The following RXYLT1 variants were observed in gnomAD, a reference collection of about 807,000 sequenced individuals.
RXYLT1 encodes the protein ribitol xylosyltransferase 1, also known as ribitol-5-phosphate xylosyltransferase 1.
RXYLT1 carries 41 observed loss-of-function variants against 43.5 expected under a neutral mutation model. The observed-to-expected ratio is 0.94, with a 90% CI of 0.73 to 1.22. The LOEUF (loss-of-function observed/expected upper bound fraction) is 1.22. Among genes scored for constraint, RXYLT1 ranks in the 50% most tolerant of loss-of-function variants. The pLI is 0.00. For missense variants in RXYLT1, 514 were observed against 532.0 expected (o/e 0.97, Z 0.33); for synonymous variants, 166 against 194.4 (o/e 0.85, Z 1.21).
At chr12:63,791,734 CTTA>C (rs952251181) in intron 3 of RXYLT1, among the ~76,000 whole-genome samples, 2 of 152,170 alleles carry the variant, frequency 1.3e-5, no homozygotes, top group African/African-American at 4.8e-5. Context: ...ATGGCCCATG[CTTA>C]TAAAGAGCTT....
At chr12:63,796,464 A>C (rs1043348387) in intron 3 of RXYLT1, among the ~76,000 whole-genome samples, 2 of 152,164 alleles carry the variant, frequency 1.3e-5, no homozygotes, top group Non-Finnish European at 2.9e-5. Flanking sequence ...TATGATTACA[A>C]GGTCCCACAG....
At chr12:63,783,451 ACT>A (rs1183448150) in intron 2 of RXYLT1, among the ~76,000 whole-genome samples, 3 of 151,102 alleles carry the variant, frequency 2.0e-5, no homozygotes, top group African/African-American at 7.3e-5. Flanking sequence ...ACAGAGCGAG[ACT>A]CTGTCTCAAA....
At chr12:63,781,226 T>G (rs777582599) in intron 2 of RXYLT1, 52 bp downstream of exon 2, 1 of 1,365,706 alleles carries the variant, frequency 7.3e-7, no homozygotes, top group South Asian at 2.0e-5. Flanking sequence ...AAAATGTATT[T>G]TATTGATATG....
intron 2 of RXYLT1, among the ~76,000 whole-genome samples, chr12:63,784,087 A>G (rs1897748231): frequency 6.6e-6 from 1 of 152,038 alleles, no homozygotes; most frequent in Non-Finnish European, 1.5e-5. Flanking sequence ...CCTTAACTTA[A>G]TCATATTTTT....
intron 4 of RXYLT1, chr12:63,804,983 T>A (rs1344253357): frequency 5.5e-6 from 2 of 361,522 alleles, no homozygotes; most frequent in Non-Finnish European, 9.8e-6. Flanking sequence ...TTAAAGAATG[T>A]CAAAAACAAA....
chr12:63,802,043 T>C lies in RXYLT1; in HGVS notation c.429-48T>C, dbSNP rs746074332. 23 of 1,494,098 alleles carry C rather than the reference T, an allele frequency of 1.5e-5. No homozygotes were observed. In the South Asian group the frequency reaches 3.1e-4, roughly 20 times the overall value. The allele number at this position is 1,494,098 out of a possible 1,614,324, so 92.6% of individuals were successfully genotyped here. On this transcript the variant is annotated intron_variant, in intron 3 of 5. Coordinates refer to ENST00000261234, the MANE Select transcript of RXYLT1 (RefSeq NM_014254.3). ...ATGAATTTCTGATACCACATACCTT[T>C]GTTCAGGCTTTGTTTGTCTCTTGTT...
chr12:63,781,086 CAG>C lies in RXYLT1; in HGVS notation c.239_240del (p.Arg80IlefsTer2), dbSNP rs1252704757. ...EGDEKNEQQH[R>X]FKTSLQILDK... ...GAGATGAAAAAAATGAGCAACAACA[CAG>C]ATTTAAAACTAGCCTTCAAATATTA... On this transcript the variant is annotated frameshift_variant, in exon 2 of 6. Coordinates refer to ENST00000261234, the MANE Select transcript of RXYLT1 (RefSeq NM_014254.3). LOFTEE classifies it high-confidence loss of function. 1 of 1,609,822 alleles carries C rather than the reference CAG, an allele frequency of 6.2e-7. No individual in the cohort carries two copies. Among genetic ancestry groups the C allele is most frequent in the Non-Finnish European group, 8.5e-7 (1 of 1,178,446 alleles).
chr12:63,789,368 A>G (rs532372781), intron 3 of RXYLT1, among the ~76,000 whole-genome samples: 1 of 152,284 alleles, frequency 6.6e-6, no homozygotes, highest in Non-Finnish European at 1.5e-5. Flanking sequence ...ATTCACTATC[A>G]TGAGAACAGT....
chr12:63,805,275 T>A lies in RXYLT1; in HGVS notation c.785T>A (p.Leu262Gln). The change falls in exon 5 of 6, where the codon CTG becomes CAG. Residue 262 changes from leucine (L) to glutamine (Q), a missense_variant. Coordinates refer to ENST00000261234, the MANE Select transcript of RXYLT1 (RefSeq NM_014254.3). ...FPVVEASWSM[L>Q]HDERPYLCNF... ...GTGGTGGAGGCAAGTTGGTCAATGC[T>A]GCATGATGAGAGGCCATATTTATGT... 1 of 1,613,162 alleles carries A rather than the reference T, an allele frequency of 6.2e-7. No homozygotes were observed. The highest frequency in any genetic ancestry group is 8.5e-7 in the Non-Finnish European group (1 of 1,179,726).
At chr12:63,797,670 G>C (rs188321412) in intron 3 of RXYLT1, among the ~76,000 whole-genome samples, 25 of 152,284 alleles carry the variant, frequency 1.6e-4, no homozygotes, top group African/African-American at 6.0e-4. Flanking sequence ...TTCTAGGGTA[G>C]TGAAAAGCAA....
chr12:63,793,453 A>G (rs902647061), intron 3 of RXYLT1, among the ~76,000 whole-genome samples: 1 of 152,186 alleles, frequency 6.6e-6, no homozygotes, highest in African/African-American at 2.4e-5. Context: ...CCCTTCTGCT[A>G]TACTCATAAT....
At chr12:63,788,498 C>T (rs1268663150) in intron 3 of RXYLT1, among the ~76,000 whole-genome samples, 1 of 152,256 alleles carries the variant, frequency 6.6e-6, no homozygotes, top group East Asian at 1.9e-4. Context: ...GCAGCTTCTA[C>T]ATTAGTACTT....
rs764934983 is a variant in RXYLT1, at chr12:63,809,103, G to A, written c.*11G>A. On this transcript the variant is annotated 3_prime_UTR_variant, in exon 6 of 6. Coordinates refer to ENST00000261234, the MANE Select transcript of RXYLT1 (RefSeq NM_014254.3). Reference sequence around the variant, plus strand: ...AATAATAAAAGTTAATTATCTTTTTGAGCTAACATGTGATTTTTAAAATCA... The same window carrying A: ...AATAATAAAAGTTAATTATCTTTTTAAGCTAACATGTGATTTTTAAAATCA... 14 of 1,471,590 alleles carry A rather than the reference G, an allele frequency of 9.5e-6. No individual in the cohort carries two copies. Among genetic ancestry groups the A allele is most frequent in the Middle Eastern group, 2.2e-4 (1 of 4,554 alleles). The allele number at this position is 1,471,590 out of a possible 1,614,324, so 91.2% of individuals were successfully genotyped here.
At chr12:63,800,931 A>G (rs1159792276) in intron 3 of RXYLT1, among the ~76,000 whole-genome samples, 1 of 152,164 alleles carries the variant, frequency 6.6e-6, no homozygotes, top group Non-Finnish European at 1.5e-5. Context: ...AAAAAAAAAA[A>G]AAATGGTAAT....
At chr12:63,783,416 A>G (rs915136923) in intron 2 of RXYLT1, among the ~76,000 whole-genome samples, 2 of 152,036 alleles carry the variant, frequency 1.3e-5, no homozygotes, top group African/African-American at 2.4e-5. Context: ...AGCCGAGATC[A>G]TGCCACCTTA....
At chr12:63,792,608 T>C (rs1226081555) in intron 3 of RXYLT1, among the ~76,000 whole-genome samples, 1 of 152,206 alleles carries the variant, frequency 6.6e-6, no homozygotes, top group Non-Finnish European at 1.5e-5. Context: ...GGGGTCTTAT[T>C]GTCTTATTTT....
intron 2 of RXYLT1, 77 bp downstream of exon 2, chr12:63,781,251 ATAATT>A (rs1346821907): frequency 2.7e-5 from 35 of 1,301,560 alleles, no homozygotes; most frequent in Non-Finnish European, 3.4e-5. Flanking sequence ...TCATTTTAAT[ATAATT>A]TATTTCATAA....
chr12:63,799,518 TG>T (rs1230991464), intron 3 of RXYLT1, among the ~76,000 whole-genome samples: 3 of 152,010 alleles, frequency 2.0e-5, no homozygotes, highest in Non-Finnish European at 4.4e-5. Context: ...CTCGAACTCC[TG>T]GACTCAAGCG....
chr12:63,780,064 C>A lies in RXYLT1; in HGVS notation c.104C>A (p.Ala35Glu). The A allele has an allele frequency of 6.2e-7, 1 of 1,603,400 alleles. No individual in the cohort carries two copies. Among genetic ancestry groups the A allele is most frequent in the South Asian group, 1.1e-5 (1 of 90,808 alleles). The change falls in exon 1 of 6, where the codon GCG (alanine) becomes GAG (glutamate). Residue 35 changes from alanine to glutamate, a missense_variant. Transcript: ENST00000261234. Reference sequence around the variant, plus strand: ...GTCTTCTTCGGGCGCCGCCGCCAGGCGCCGGCCGGGTCCCCGCGGGGCCTC... The same window carrying A: ...GTCTTCTTCGGGCGCCGCCGCCAGGAGCCGGCCGGGTCCCCGCGGGGCCTC... ...YHVFFGRRRQAPAGSPRGLRK... is the reference protein window; with the variant it reads ...YHVFFGRRRQEPAGSPRGLRK...
Sources: allele counts gnomAD v4.1 joint callset (sites outside exome capture counted in the v4.1 genomes callset), GRCh38; gene constraint gnomAD v4.1.1; transcripts MANE v1.5; gene names NCBI Gene and HGNC (gene_info 2026-07-23, HGNC 2026-07-21).